The following EPAS1 variants were observed in gnomAD, a reference collection of about 807,000 sequenced individuals.
EPAS1 encodes the protein endothelial PAS domain protein 1, also known as endothelial PAS domain-containing protein 1.
Under a neutral mutation model 87.9 loss-of-function variants are expected in EPAS1, and 23 were observed. That is an observed-to-expected ratio of 0.26 (90% CI 0.19 to 0.37). The LOEUF is 0.37. Ranked by LOEUF, EPAS1 falls within the 10% of genes least tolerant of loss-of-function variation. The pLI, the probability that EPAS1 is intolerant of heterozygous loss-of-function variation, is 1.00. For missense variants in EPAS1, 1,138 were observed against 1,120.7 expected (o/e 1.02, Z -0.22); for synonymous variants, 508 against 444.3 (o/e 1.14, Z -1.80).
At position 46,300,252 on chromosome 2, in the gene EPAS1, C is replaced by G. The variant is rs888732488; in HGVS notation, c.26+2315C>G. 6.6e-6 allele frequency among the ~76,000 whole-genome samples: 1 copy of G among 152,196 alleles called. No homozygotes were observed. The highest frequency in any genetic ancestry group is 2.4e-5 in the African/African-American group (1 of 41,442). On this transcript the variant is annotated intron_variant, in intron 1 of 15. Coordinates refer to ENST00000263734, the MANE Select transcript of EPAS1 (RefSeq NM_001430.5). The surrounding 1 kb of genome is among the most constrained non-coding windows in gnomAD (Gnocchi z 4.1). ...TGCTGTAGCTTTTCTGAGTGCCTCA[C>G]AAGGGCGATGTGACAGTGAGGGGGC...
intron 9 of EPAS1, 68 bp downstream of exon 9, chr2:46,376,821 C>T (rs1202112787): frequency 7.2e-6 from 11 of 1,528,542 alleles, no homozygotes; most frequent in Non-Finnish European, 9.0e-6. Flanking sequence ...CTTACTATAA[C>T]AGGCCTCCCT....
chr2:46,343,265 A>C (rs183234537), intron 1 of EPAS1, among the ~76,000 whole-genome samples: 2 of 152,314 alleles, frequency 1.3e-5, no homozygotes, highest in Non-Finnish European at 2.9e-5. Context: ...GTGTTCTCCT[A>C]AGGTGAATGG....
chr2:46,368,512 G>A (rs537950116), intron 6 of EPAS1, among the ~76,000 whole-genome samples: 220 of 152,312 alleles, frequency 1.4e-3, no homozygotes, highest in Non-Finnish European at 2.6e-3. Context: ...GAAAGCTGTA[G>A]ATACTTAAAT....
At chr2:46,352,532 C>T (rs1481383265) in intron 2 of EPAS1, among the ~76,000 whole-genome samples, 1 of 152,162 alleles carries the variant, frequency 6.6e-6, no homozygotes, top group Admixed American at 6.5e-5. Context: ...AGGGAAGACA[C>T]GATGTTCATA....
chr2:46,356,397 T>C, intron 3 of EPAS1, 95 bp downstream of exon 3: 1 of 1,501,856 alleles, frequency 6.7e-7, no homozygotes, highest in Non-Finnish European at 9.2e-7. Context: ...ACTTGACCTC[T>C]CCCTGCAAAT....
At position 46,380,586 on chromosome 2, in the gene EPAS1, G is replaced by A. The variant is rs146139781; in HGVS notation, c.1914G>A (p.Gln638=). ...CCATGGGGGGCAGATCCAATACCCA[G>A]TGGCCCCCAGATCCACCATTACATT... ...LSSMGGRSNT[Q]WPPDPPLHFG... Residue 638 remains glutamine, a synonymous_variant, in exon 12 of 16, where the codon CAG becomes CAA. Coordinates refer to ENST00000263734, the MANE Select transcript of EPAS1 (RefSeq NM_001430.5). The surrounding 1 kb of genome is among the most constrained non-coding windows in gnomAD (Gnocchi z 4.4). The A allele has an allele frequency of 4.8e-5, 77 of 1,613,922 alleles. No homozygotes were observed. Among genetic ancestry groups the A allele is most frequent in the Non-Finnish European group, 6.4e-5 (75 of 1,179,994 alleles).
Position 46,371,575 on chromosome 2 carries a change from G to C in EPAS1, c.886+1642G>C, listed in dbSNP as rs2103655480. On this transcript the variant is annotated intron_variant, in intron 7 of 15. Coordinates refer to ENST00000263734, the MANE Select transcript of EPAS1 (RefSeq NM_001430.5). This position sits in a 1 kb window ranked among gnomAD's most constrained non-coding sequence, Gnocchi z 4.3. ...GGTACTCTTTTATGCCTGTGAATGT[G>C]ACCCCACCTTAGCCTGCCCAAGCTT... Among the ~76,000 whole-genome samples the C allele has an allele frequency of 6.6e-6, 1 of 152,274 alleles. No individual in the cohort carries two copies. Among genetic ancestry groups the C allele is most frequent in the African/African-American group, 2.4e-5 (1 of 41,544 alleles).
At chr2:46,338,426 G>A (rs866972696) in intron 1 of EPAS1, among the ~76,000 whole-genome samples, 112 of 152,306 alleles carry the variant, frequency 7.4e-4, no homozygotes, top group African/African-American at 2.6e-3. Context: ...GGCAGTGGCA[G>A]ACATCAGAGG....
intron 7 of EPAS1, 70 bp downstream of exon 7, chr2:46,370,003 G>A (rs987131877): frequency 5.1e-6 from 6 of 1,169,544 alleles, no homozygotes; most frequent in Non-Finnish European, 7.5e-6. Context: ...GGGTGTGACT[G>A]GTGAGACAGA....
rs111878741 is a variant in EPAS1 at position 46,341,080 on chromosome 2, A to G, written c.27-5793A>G. ...TCCTCCCTTTGTGATAGATTCCCCT[A>G]CTGATCCCTGCAGCCTTTGGACATC... On this transcript the variant is annotated intron_variant, in intron 1 of 15. Transcript: ENST00000263734. Among the ~76,000 whole-genome samples the G allele has an allele frequency of 2.5e-3, 381 of 152,152 alleles. 4 individuals carry two copies. The highest frequency in any genetic ancestry group is 8.5e-3 in the African/African-American group (351 of 41,482).
chr2:46,340,121 C>T (rs549291807), intron 1 of EPAS1, among the ~76,000 whole-genome samples: 8 of 152,268 alleles, frequency 5.3e-5, no homozygotes, highest in South Asian at 2.1e-4. Flanking sequence ...GGGGAGTCCA[C>T]GTGTCCTCCG....
At chr2:46,301,560 G>A (rs925434342) in intron 1 of EPAS1, among the ~76,000 whole-genome samples, 4 of 139,184 alleles carry the variant, frequency 2.9e-5, no homozygotes, top group Non-Finnish European at 4.6e-5. Flanking sequence ...CTGGGCAAGA[G>A]TGAAATTCCG....
At chr2:46,352,741 C>T (rs1329249916) in intron 2 of EPAS1, among the ~76,000 whole-genome samples, 1 of 152,208 alleles carries the variant, frequency 6.6e-6, no homozygotes, top group Non-Finnish European at 1.5e-5. Flanking sequence ...TGTCCCGGCC[C>T]TGCCGTCACA....
rs1682979142 is a variant in EPAS1, at chr2:46,300,711, T to C, written c.26+2774T>C. ...GTTTGAGGAGTGGTTCAGGCAAATG[T>C]AAATGAGATCCTTGGATAATCAGGG... On this transcript the variant is annotated intron_variant, in intron 1 of 15. Transcript: ENST00000263734. This position sits in a 1 kb window ranked among gnomAD's most constrained non-coding sequence, Gnocchi z 4.1. Among the ~76,000 whole-genome samples, 1 of 152,150 alleles carries C rather than the reference T, an allele frequency of 6.6e-6. No homozygotes were observed. Among genetic ancestry groups the C allele is most frequent in the Non-Finnish European group, 1.5e-5 (1 of 68,040 alleles).
At chr2:46,304,690 C>A (rs1416490093) in intron 1 of EPAS1, among the ~76,000 whole-genome samples, 1 of 152,080 alleles carries the variant, frequency 6.6e-6, no homozygotes, top group Non-Finnish European at 1.5e-5. Flanking sequence ...CACATCCCAC[C>A]CTTCGCTGGT....
chr2:46,381,548 G>A (rs746143822), intron 12 of EPAS1, 48 bp from the exon 13 acceptor site: 2 of 1,613,626 alleles, frequency 1.2e-6, no homozygotes, highest in Non-Finnish European at 1.7e-6. Flanking sequence ...GCACTGAGTG[G>A]CATGTGGCTC....
intron 1 of EPAS1, among the ~76,000 whole-genome samples, chr2:46,299,486 A>G (rs1052230312): frequency 6.6e-6 from 1 of 152,234 alleles, no homozygotes; most frequent in Non-Finnish European, 1.5e-5. Context: ...AAGACTCTTA[A>G]GATTCCAGTG....
Position 46,347,959 on chromosome 2 carries a change from C to T in EPAS1, c.217+896C>T, listed in dbSNP as rs954517057. On this transcript the variant is annotated intron_variant, in intron 2 of 15. Coordinates refer to ENST00000263734, the MANE Select transcript of EPAS1 (RefSeq NM_001430.5). This position sits in a 1 kb window ranked among gnomAD's most constrained non-coding sequence, Gnocchi z 4.2. ...GACGGGTGAGCATGAGGGAGGCACT[C>T]AGGGAGGGAAGGTTCTTTTGTGGTT... Among the ~76,000 whole-genome samples, 1 of 152,088 alleles carries T rather than the reference C, an allele frequency of 6.6e-6. No individual in the cohort carries two copies. The highest frequency in any genetic ancestry group is 1.5e-5 in the Non-Finnish European group (1 of 68,006).
intron 6 of EPAS1, among the ~76,000 whole-genome samples, chr2:46,363,873 G>C (rs949078687): frequency 2.6e-5 from 4 of 152,206 alleles, no homozygotes; most frequent in Non-Finnish European, 5.9e-5. Flanking sequence ...TAAAGACATA[G>C]AATGCTGTGT....
Sources: gnomAD v4.1 joint callset for allele counts (sites outside exome capture counted in the v4.1 genomes callset) on GRCh38, gnomAD v4.1.1 for gene constraint, Gnocchi (gnomAD v3.1) non-coding constraint, MANE v1.5 for transcripts, NCBI Gene and HGNC (gene_info 2026-07-23, HGNC 2026-07-21) for gene names.